ADI1: variants seen among roughly 807,000 people sequenced by gnomAD.
The protein encoded by ADI1 is acireductone dioxygenase 1, also known as acireductone dioxygenase.
A neutral mutation model predicts 18.7 loss-of-function variants in ADI1; 21 were observed. That is an observed-to-expected ratio of 1.13 (90% CI 0.80 to 1.62). The LOEUF is 1.62. Ranked by LOEUF, ADI1 falls within the 40% of genes most tolerant of loss-of-function variation. ADI1 has a pLI of 0.00. For missense variants in ADI1, 245 were observed against 254.9 expected (o/e 0.96, Z 0.26); for synonymous variants, 90 against 100.1 (o/e 0.90, Z 0.60).
chr2:3,519,175 A>T, intron 1 of ADI1, 193 bp downstream of exon 1: 1 of 784,656 alleles, frequency 1.3e-6, no homozygotes, highest in Non-Finnish European at 1.8e-6. Context: ...CTGACCACCC[A>T]GCCCCACTGC....
At chr2:3,509,005 A>G (rs1336966330) in intron 2 of ADI1, among the ~76,000 whole-genome samples, 6 of 110,290 alleles carry the variant, frequency 5.4e-5, no homozygotes, top group South Asian at 3.7e-4. Context: ...AGAAGGAAGG[A>G]AGGGAGGGAG....
At chr2:3,519,257 A>AGCATGCCGCGGCTC (rs1667503399) in intron 1 of ADI1, 111 bp downstream of exon 1, 2 of 1,288,162 alleles carry the variant, frequency 1.6e-6, no homozygotes, top group Non-Finnish European at 2.0e-6. Flanking sequence ...GAGCATGCGC[A>AGCATGCCGCGGCTC]GCATGCCGCG....
chr2:3,503,119 T>G (rs1572232771), intron 2 of ADI1, among the ~76,000 whole-genome samples: 1 of 151,818 alleles, frequency 6.6e-6, no homozygotes, highest in African/African-American at 2.4e-5. Context: ...ATGCTAGCAT[T>G]CACACACAAA....
In ADI1 at chr2:3,519,512, C is replaced by A. The variant is rs1667509716; in HGVS notation, c.-25G>T. 1 of 1,262,278 alleles carries A rather than the reference C, an allele frequency of 7.9e-7. No homozygotes were observed. Among genetic ancestry groups the A allele is most frequent in the Non-Finnish European group, 1.0e-6 (1 of 1,002,000 alleles). The allele number at this position is 1,262,278 out of a possible 1,614,324, so 78.2% of individuals were successfully genotyped here. A position where few individuals can be genotyped will look rare whatever the true frequency, so the allele number is the denominator to read the frequency against. ...TGACGCGCAGTGCGGGTGCCGTGTT[C>A]GAACCCAGGGGCCGCGCTCGGAGCC... On this transcript the variant is annotated 5_prime_UTR_variant, in exon 1 of 4. Coordinates refer to ENST00000327435, the MANE Select transcript of ADI1 (RefSeq NM_018269.4).
rs533502795 is a variant in ADI1 at position 3,503,399 on chromosome 2, TCA to T, written c.241-2408_241-2407del. On this transcript the variant is annotated intron_variant, in intron 2 of 3. Transcript: ENST00000327435. ...CATACACACGTACTCACACGCACAT[TCA>T]CACACATGCACACGTACACACACGA... is the stretch of plus-strand genomic sequence containing the variant. Among the ~76,000 whole-genome samples, 15 of 142,228 alleles carry T rather than the reference TCA, an allele frequency of 1.1e-4. 3 individuals carry two copies. The highest frequency in any genetic ancestry group is 6.2e-4 in the Admixed American group (9 of 14,462). 93.3% of individuals were successfully genotyped at this position (142,228 alleles called of 152,430 possible). A position where few individuals can be genotyped will look rare whatever the true frequency, so the allele number is the denominator to read the frequency against.
rs1666923903 is a variant in ADI1, at chr2:3,498,875, T to C, written c.*88A>G. 6 of 1,511,254 alleles carry C rather than the reference T, an allele frequency of 4.0e-6. No individual in the cohort carries two copies. Among genetic ancestry groups the C allele is most frequent in the Non-Finnish European group, 5.4e-6 (6 of 1,120,644 alleles). The allele number at this position is 1,511,254 out of a possible 1,614,324, so 93.6% of individuals were successfully genotyped here. ...ATAATCTAGCCTCAAGGCTATCCTC[T>C]AAAAGCAAAGAGAAAGTGATTGATT... is the stretch of plus-strand genomic sequence containing the variant. On this transcript the variant is annotated 3_prime_UTR_variant, in exon 4 of 4. Coordinates refer to ENST00000327435, the MANE Select transcript of ADI1 (RefSeq NM_018269.4).
Position 3,519,428 on chromosome 2 carries a change from G to T in ADI1, c.60C>A (p.Pro20=). 7.3e-7 allele frequency: 1 copy of T among 1,371,900 alleles called. No individual in the cohort carries two copies. The highest frequency in any genetic ancestry group is 9.3e-7 in the Non-Finnish European group (1 of 1,069,606). The allele number at this position is 1,371,900 out of a possible 1,614,324, so 85.0% of individuals were successfully genotyped here. A position where few individuals can be genotyped will look rare whatever the true frequency, so the allele number is the denominator to read the frequency against. Residue 20 remains proline, a synonymous_variant, in exon 1 of 4, where the codon CCC becomes CCA. Coordinates refer to ENST00000327435, the MANE Select transcript of ADI1 (RefSeq NM_018269.4). ...APGDPRQPHR[P]DPGRPVGLEQ... is the part of the protein sequence containing the mutation. ...CCAGGCCCACTGGGCGGCCGGGGTC[G>T]GGGCGGTGGGGTTGCCGCGGGTCGC...
intron 1 of ADI1, chr2:3,516,308 C>G (rs1030454522): frequency 6.5e-6 from 1 of 152,968 alleles, no homozygotes; most frequent in Non-Finnish European, 1.4e-5. Flanking sequence ...ATGGTGAAAC[C>G]CCATCTCTAC....
chr2:3,512,298 A>C (rs10190395), intron 2 of ADI1, among the ~76,000 whole-genome samples: 1 of 151,858 alleles, frequency 6.6e-6, no homozygotes, highest in East Asian at 1.9e-4. Context: ...TAGAGAAATC[A>C]GCATAACTTC....
chr2:3,508,528 A>C (rs1667227546), intron 2 of ADI1, among the ~76,000 whole-genome samples: 1 of 152,148 alleles, frequency 6.6e-6, no homozygotes, highest in African/African-American at 2.4e-5. Flanking sequence ...TGTCATCTAC[A>C]AGAAGCCCTC....
chr2:3,504,509 G>A (rs1261072022), intron 2 of ADI1, among the ~76,000 whole-genome samples: 1 of 152,222 alleles, frequency 6.6e-6, no homozygotes, highest in African/African-American at 2.4e-5. Flanking sequence ...CTAATGAACT[G>A]TAGGGCACTC....
chr2:3,518,823 C>T (rs950343372), intron 1 of ADI1, among the ~76,000 whole-genome samples: 1 of 152,232 alleles, frequency 6.6e-6, no homozygotes, highest in African/African-American at 2.4e-5. Flanking sequence ...ACTCGCAGCC[C>T]GCCTCCGGCG....
intron 2 of ADI1, among the ~76,000 whole-genome samples, chr2:3,501,465 G>A (rs1005268134): frequency 6.6e-6 from 1 of 152,204 alleles, no homozygotes; most frequent in African/African-American, 2.4e-5. Context: ...GGGTGAGTGA[G>A]AAGCCAGTGG....
intron 3 of ADI1, 87 bp downstream of exon 3, chr2:3,500,727 G>A (rs1198221168): frequency 1.3e-6 from 2 of 1,579,034 alleles, no homozygotes; most frequent in African/African-American, 1.3e-5. Context: ...CTTGGAGTCT[G>A]CGGAAGCCGC....
intron 2 of ADI1, among the ~76,000 whole-genome samples, chr2:3,502,934 C>T (rs1329909676): frequency 1.3e-5 from 2 of 152,000 alleles, no homozygotes; most frequent in East Asian, 3.9e-4. Context: ...ATTGATATGA[C>T]TGGGAGCCAG....
chr2:3,500,632 G>A (rs1356495883), intron 3 of ADI1, 182 bp downstream of exon 3: 3 of 786,358 alleles, frequency 3.8e-6, no homozygotes, highest in South Asian at 3.5e-5. Context: ...GCCACGGAAG[G>A]ACAGCTGTCA....
rs33977448 is a variant in ADI1, at chr2:3,508,334, C to CAAAAAAAAAA, written c.240+5513_240+5522dup. On this transcript the variant is annotated intron_variant, in intron 2 of 3. Coordinates refer to ENST00000327435, the MANE Select transcript of ADI1 (RefSeq NM_018269.4). ...TGGGCAACAGAGTGAGACTCTGTCT[C>CAAAAAAAAAA]AAAAAAAAAAAAAAAAAAAAAAAAA... Among the ~76,000 whole-genome samples, 38 of 26,918 alleles carry CAAAAAAAAAA rather than the reference C, an allele frequency of 1.4e-3. 5 individuals are homozygous for CAAAAAAAAAA. The highest frequency in any genetic ancestry group is 6.8e-3 in the East Asian group (4 of 588). The allele number at this position is 26,918 out of a possible 152,430, so 17.7% of individuals were successfully genotyped here.
intron 1 of ADI1, chr2:3,516,929 T>C (rs1481186963): frequency 6.1e-6 from 6 of 985,266 alleles, no homozygotes; most frequent in Non-Finnish European, 7.2e-6. Flanking sequence ...TTTTGGGTTT[T>C]TTTAGAGATG....
intron 1 of ADI1, chr2:3,516,788 T>A (rs558614200): frequency 1.0e-6 from 1 of 985,468 alleles, no homozygotes; most frequent in Non-Finnish European, 1.2e-6. Flanking sequence ...TTTTTAGAAC[T>A]CTATGTCACT....
Sources: allele counts gnomAD v4.1 joint callset (sites outside exome capture counted in the v4.1 genomes callset), GRCh38; gene constraint gnomAD v4.1.1; transcripts MANE v1.5; gene names NCBI Gene and HGNC (gene_info 2026-07-23, HGNC 2026-07-21).